Variants in NBEAL1 observed in about 807,000 individuals in gnomAD.
The protein encoded by NBEAL1 is neurobeachin like 1.
In NBEAL1, 273 loss-of-function variants were observed where a neutral mutation model predicts 351.3. The ratio of observed to expected loss-of-function variants is 0.78; its 90% confidence interval spans 0.70 to 0.86. NBEAL1 has a LOEUF of 0.86. Ranked by LOEUF, NBEAL1 falls within the 40% of genes least tolerant of loss-of-function variation. NBEAL1 has a pLI of 0.00. For synonymous variants in NBEAL1, 1,050 were observed against 1,086.4 expected (o/e 0.97, Z 0.66); for missense variants, 2,961 against 3,201.3 (o/e 0.92, Z 1.81).
At chr2:203,105,154 C>A (rs1182447386) in intron 12 of NBEAL1, among the ~76,000 whole-genome samples, 1 of 151,890 alleles carries the variant, frequency 6.6e-6, no homozygotes, top group East Asian at 2.0e-4. Flanking sequence ...CTGCACCCAG[C>A]CTCTTTTCTT....
chr2:203,183,967 A>G (rs187243105), intron 44 of NBEAL1, among the ~76,000 whole-genome samples: 23 of 151,716 alleles, frequency 1.5e-4, no homozygotes, highest in Middle Eastern at 3.4e-3. Context: ...AATCTCAGCT[A>G]CTCAGGAGGC....
intron 12 of NBEAL1, among the ~76,000 whole-genome samples, chr2:203,100,602 A>G (rs528612716): frequency 7.1e-4 from 104 of 146,854 alleles, no homozygotes; most frequent in African/African-American, 2.5e-3. Context: ...GCTGGAGTGC[A>G]GTAGCACGAT....
At chr2:203,110,011 A>T in intron 14 of NBEAL1, 139 bp from the exon 15 acceptor site, 1 of 783,032 alleles carries the variant, frequency 1.3e-6, no homozygotes, top group Non-Finnish European at 1.9e-6. Context: ...ACAAGGTTGG[A>T]CTTCTGTGTG....
chr2:203,157,761 G>A lies in NBEAL1; in HGVS notation c.5650G>A (p.Val1884Ile). The change falls in exon 36 of 56, where the codon GTT becomes ATT. Residue 1884 changes from valine to isoleucine, a missense_variant. Coordinates refer to ENST00000683969, the MANE Select transcript of NBEAL1 (RefSeq NM_001378026.1). ...LLLEVVKQVK[V>I]SDMVEDKLDL... Reference sequence around the variant, plus strand: ...TTTGGAAGTAGTGAAACAAGTAAAAGTTAGTGATATGGTGGAGGATAAATT... The same window carrying A: ...TTTGGAAGTAGTGAAACAAGTAAAAATTAGTGATATGGTGGAGGATAAATT... The A allele has an allele frequency of 6.3e-7, 1 of 1,596,886 alleles. No homozygotes were observed. Among genetic ancestry groups the A allele is most frequent in the Non-Finnish European group, 8.5e-7 (1 of 1,172,098 alleles).
intron 36 of NBEAL1, among the ~76,000 whole-genome samples, chr2:203,163,836 A>G (rs2064045127): frequency 1.3e-5 from 2 of 152,118 alleles, no homozygotes; most frequent in African/African-American, 2.4e-5. Context: ...TGTTATGATC[A>G]TTCTCGATGT....
intron 2 of NBEAL1, among the ~76,000 whole-genome samples, chr2:203,020,747 A>T (rs1454652912): frequency 2.6e-5 from 4 of 151,978 alleles, no homozygotes; most frequent in African/African-American, 9.7e-5. Context: ...GTCCCCACCC[A>T]GGGTCAAGGA....
intron 47 of NBEAL1, among the ~76,000 whole-genome samples, chr2:203,195,465 G>A (rs1474740145): frequency 6.6e-6 from 1 of 152,114 alleles, no homozygotes; most frequent in East Asian, 1.9e-4. Flanking sequence ...ATAGAACTCA[G>A]AACACAAAAA....
chr2:203,180,348 C>A, intron 42 of NBEAL1, 34 bp from the exon 43 acceptor site: 1 of 1,578,842 alleles, frequency 6.3e-7, no homozygotes, highest in Admixed American at 1.9e-5. Flanking sequence ...TGATTTCATT[C>A]AATATTTACT....
At chr2:203,195,268 GTAA>G (rs1350761556) in intron 47 of NBEAL1, among the ~76,000 whole-genome samples, 1 of 151,880 alleles carries the variant, frequency 6.6e-6, no homozygotes, top group East Asian at 1.9e-4. Flanking sequence ...TTTAATTGAT[GTAA>G]TAATTAAACA....
At chr2:203,021,646 T>C (rs991705675) in intron 2 of NBEAL1, among the ~76,000 whole-genome samples, 2 of 152,056 alleles carry the variant, frequency 1.3e-5, no homozygotes, top group Admixed American at 6.6e-5. Context: ...TTATTCACTG[T>C]ATTTTTTGAT....
intron 46 of NBEAL1, among the ~76,000 whole-genome samples, chr2:203,191,661 G>T (rs2065092604): frequency 6.6e-6 from 1 of 152,104 alleles, no homozygotes; most frequent in African/African-American, 2.4e-5. Flanking sequence ...TTAAAGCCAA[G>T]CCTCACAGAA....
intron 40 of NBEAL1, 138 bp from the exon 41 acceptor site, chr2:203,172,591 G>A: frequency 1.6e-6 from 1 of 641,490 alleles, no homozygotes; most frequent in African/African-American, 1.9e-5. Context: ...AACTAAAGAT[G>A]AATGGATATT....
intron 2 of NBEAL1, among the ~76,000 whole-genome samples, chr2:203,032,473 C>G (rs527833392): frequency 6.6e-6 from 1 of 151,470 alleles, no homozygotes; most frequent in East Asian, 2.0e-4. Flanking sequence ...CTGGCTAACA[C>G]GGTGAAACCC....
rs1559376227 is a variant in NBEAL1, at chr2:203,114,895, G to A, written c.2507-1090G>A. Among the ~76,000 whole-genome samples, 4 of 151,904 alleles carry A rather than the reference G, an allele frequency of 2.6e-5. No individual in the cohort carries two copies. The South Asian group carries it at 6.2e-4, about 24-fold the overall frequency. On this transcript the variant is annotated intron_variant, in intron 17 of 55. Coordinates refer to ENST00000683969, the MANE Select transcript of NBEAL1 (RefSeq NM_001378026.1). Reference sequence around the variant, plus strand: ...GCCTCCCAAGTAGCTAGGATTACAGGTGTGTGCCACCACACCCAGCTAATT... The same window carrying A: ...GCCTCCCAAGTAGCTAGGATTACAGATGTGTGCCACCACACCCAGCTAATT...
chr2:203,066,431 A>G (rs575530332), intron 6 of NBEAL1, among the ~76,000 whole-genome samples: 1 of 151,970 alleles, frequency 6.6e-6, no homozygotes, highest in Non-Finnish European at 1.5e-5. Flanking sequence ...AGGCACAAGA[A>G]TTTTTCTTAG....
chr2:203,022,192 A>C (rs1249268159), intron 2 of NBEAL1, among the ~76,000 whole-genome samples: 1 of 152,168 alleles, frequency 6.6e-6, no homozygotes, highest in African/African-American at 2.4e-5. Flanking sequence ...GGTCACTAGA[A>C]TATGTAGAAA....
chr2:203,140,901 C>T (rs1339868217), intron 31 of NBEAL1, among the ~76,000 whole-genome samples: 1 of 152,010 alleles, frequency 6.6e-6, no homozygotes, highest in African/African-American at 2.4e-5. Context: ...ATCGCTTGAA[C>T]CCAGGAGTCA....
rs2061127116 is a variant in NBEAL1 at position 203,040,738 on chromosome 2, C to T, written c.52-1027C>T. ...CTCATAGTTCTTGCTCCCTTTCCAC[C>T]TTTTGGTGACCCATCATGCTCAGGC... On this transcript the variant is annotated intron_variant, in intron 2 of 55. Coordinates refer to ENST00000683969, the MANE Select transcript of NBEAL1 (RefSeq NM_001378026.1). The T allele has an allele frequency of 1.0e-5, 6 of 583,256 alleles. No homozygotes were observed. In the Admixed American group the frequency reaches 1.1e-4, roughly 11 times the overall value. 36.1% of individuals were successfully genotyped at this position (583,256 alleles called of 1,614,324 possible). A position where few individuals can be genotyped will look rare whatever the true frequency, so the allele number is the denominator to read the frequency against.
intron 8 of NBEAL1, among the ~76,000 whole-genome samples, chr2:203,078,615 C>T (rs760623685): frequency 1.3e-4 from 20 of 152,180 alleles, no homozygotes; most frequent in Non-Finnish European, 2.1e-4. Context: ...ACTGGAATTA[C>T]GGGCGTGAGT....
Sources: gnomAD v4.1 joint callset for allele counts (sites outside exome capture counted in the v4.1 genomes callset) on GRCh38, gnomAD v4.1.1 for gene constraint, MANE v1.5 for transcripts, NCBI Gene and HGNC (gene_info 2026-07-23, HGNC 2026-07-21) for gene names.